The following TRPC5 variants were observed in gnomAD, a reference collection of about 807,000 sequenced individuals.
TRPC5 encodes short transient receptor potential channel 5.
TRPC5 carries 9 observed loss-of-function variants against 56.5 expected under a neutral mutation model. The observed-to-expected ratio is 0.16, with a 90% CI of 0.10 to 0.28. TRPC5 has a LOEUF of 0.28. Ranked by LOEUF, TRPC5 falls within the 10% of genes least tolerant of loss-of-function variation. TRPC5 has a pLI of 1.00. For missense variants in TRPC5, 469 were observed against 748.9 expected (o/e 0.63, Z 4.36); for synonymous variants, 282 against 278.5 (o/e 1.01, Z -0.13).
intron 1 of TRPC5, among the ~76,000 whole-genome samples, chrX:111,994,737 T>A (rs1169082822): frequency 4.5e-5 from 5 of 111,337 alleles, no homozygotes; most frequent in African/African-American, 1.3e-4. Context: ...TGCTTGTAAA[T>A]TTTGCACACT....
intron 7 of TRPC5, among the ~76,000 whole-genome samples, chrX:111,814,623 G>A (rs190096761): frequency 9.1e-6 from 1 of 110,163 alleles, no homozygotes; most frequent in Non-Finnish European, 1.9e-5. Context: ...AGCCCCCTTG[G>A]TGAGTGTTGC....
intron 2 of TRPC5, among the ~76,000 whole-genome samples, chrX:111,930,543 G>C (rs978653082): frequency 9.0e-6 from 1 of 111,130 alleles, no homozygotes; most frequent in South Asian, 3.9e-4. Flanking sequence ...TGGGGTTGCA[G>C]TGAGCCGAAA....
intron 1 of TRPC5, among the ~76,000 whole-genome samples, chrX:112,058,963 G>A (rs1204577285): frequency 1.8e-5 from 2 of 111,049 alleles, no homozygotes; most frequent in African/African-American, 3.3e-5. Context: ...CCTTAGAGTT[G>A]GAATTAGAAG....
intron 7 of TRPC5, among the ~76,000 whole-genome samples, chrX:111,784,309 A>T (rs765099682): frequency 8.9e-6 from 1 of 112,613 alleles, no homozygotes; most frequent in South Asian, 3.7e-4. Context: ...CTTAATCAAA[A>T]TTAAAAACAT....
chrX:111,916,615 C>T (rs1007940914), intron 2 of TRPC5, among the ~76,000 whole-genome samples: 2 of 111,896 alleles, frequency 1.8e-5, no homozygotes, highest in African/African-American at 3.2e-5. Context: ...GGTGTATACG[C>T]ATAATTTGGG....
chrX:111,978,214 T>G (rs996394670), intron 1 of TRPC5, among the ~76,000 whole-genome samples: 3 of 112,018 alleles, frequency 2.7e-5, no homozygotes, highest in African/African-American at 9.7e-5. Flanking sequence ...TGGAAATAAC[T>G]TTAATGTGTG....
chrX:111,812,428 G>A (rs184683618), intron 7 of TRPC5, among the ~76,000 whole-genome samples: 81 of 111,752 alleles, frequency 7.2e-4, no homozygotes, highest in African/African-American at 2.3e-3. Flanking sequence ...GTGACCTCAC[G>A]TTGGGAATTA....
intron 4 of TRPC5, among the ~76,000 whole-genome samples, chrX:111,853,403 T>C (rs113911414): frequency 0.023 from 2,520 of 111,857 alleles, 48 homozygotes; most frequent in Non-Finnish European, 0.033. Flanking sequence ...CAGATTCATG[T>C]GCCCCTTGGT....
intron 1 of TRPC5, among the ~76,000 whole-genome samples, chrX:111,994,273 G>A (rs941694741): frequency 9.0e-6 from 1 of 111,271 alleles, no homozygotes; most frequent in Admixed American, 9.6e-5. Context: ...TATCTGTTTT[G>A]GTACCATTAC....
At chrX:111,937,590 A>G (rs1254117512) in intron 2 of TRPC5, among the ~76,000 whole-genome samples, 1 of 107,900 alleles carries the variant, frequency 9.3e-6, no homozygotes, top group Admixed American at 9.9e-5. Context: ...AGCACCATTT[A>G]TTAAATAGGG....
intron 1 of TRPC5, among the ~76,000 whole-genome samples, chrX:111,985,748 T>C (rs148294384): frequency 5.2e-4 from 58 of 112,149 alleles, no homozygotes; most frequent in African/African-American, 1.7e-3. Flanking sequence ...ACTTCACTTT[T>C]AGGGACTCCG....
At chrX:111,914,822 T>A (rs1465596922) in intron 2 of TRPC5, among the ~76,000 whole-genome samples, 2 of 111,675 alleles carry the variant, frequency 1.8e-5, no homozygotes, top group Non-Finnish European at 3.8e-5. Flanking sequence ...ACTATCAGCA[T>A]AAAGCCTAGA....
chrX:111,903,022 T>TA (rs1925430620), intron 3 of TRPC5: 1 of 111,992 alleles, frequency 8.9e-6, no homozygotes, highest in Admixed American at 9.5e-5. Flanking sequence ...ATGGACTAGA[T>TA]ATAGTCCTTA....
rs1043099886 is a variant in TRPC5, at chrX:111,832,845, C to T, written c.1896+2076G>A. Reference sequence around the variant, plus strand: ...GATGGGAGCTGGAGTTGATTATTTTCGCCCTTCCTAGAAAATGTCACTGAG... The same window carrying T: ...GATGGGAGCTGGAGTTGATTATTTTTGCCCTTCCTAGAAAATGTCACTGAG... On this transcript the variant is annotated intron_variant, in intron 7 of 10. Transcript: ENST00000262839. Among the ~76,000 whole-genome samples, 6 of 110,985 alleles carry T rather than the reference C, an allele frequency of 5.4e-5. No individual in the cohort carries two copies. The Admixed American group carries it at 5.8e-4, about 11-fold the overall frequency.
chrX:111,864,771 G>A (rs1477658713), intron 3 of TRPC5, among the ~76,000 whole-genome samples: 4 of 111,868 alleles, frequency 3.6e-5, no homozygotes, highest in Non-Finnish European at 7.5e-5. Flanking sequence ...CTTAATTTCC[G>A]GAATTGTGAA....
At chrX:112,044,684 A>G (rs1325359005) in intron 1 of TRPC5, among the ~76,000 whole-genome samples, 1 of 111,758 alleles carries the variant, frequency 8.9e-6, no homozygotes, top group Non-Finnish European at 1.9e-5. Context: ...ATCTCCTTTC[A>G]TTTTCCTTGT....
At chrX:111,790,886 T>C (rs1187745543) in intron 7 of TRPC5, among the ~76,000 whole-genome samples, 1 of 108,496 alleles carries the variant, frequency 9.2e-6, no homozygotes. Context: ...CTGGGTATGG[T>C]GGCTCGCACC....
intron 7 of TRPC5, among the ~76,000 whole-genome samples, chrX:111,809,893 T>G (rs1177521342): frequency 9.3e-6 from 1 of 107,379 alleles, no homozygotes; most frequent in Non-Finnish European, 1.9e-5. Flanking sequence ...TTTTTTTTTT[T>G]GTTGTTGTTG....
rs1929735299 is a variant in TRPC5 at position 112,036,140 on chromosome X, T to A, written c.-22+45739A>T. ...CTGAACATGTGTCCTACTCTGGGGA[T>A]ATGCATAACTTTTTAATTCCCCAGT... On this transcript the variant is annotated intron_variant, in intron 1 of 10. Transcript: ENST00000262839. Among the ~76,000 whole-genome samples the A allele has an allele frequency of 3.6e-5, 4 of 111,115 alleles. No homozygotes were observed. The South Asian group carries it at 1.5e-3, about 43-fold the overall frequency.
Sources: gnomAD v4.1 joint callset for allele counts (sites outside exome capture counted in the v4.1 genomes callset) on GRCh38, gnomAD v4.1.1 for gene constraint, MANE v1.5 for transcripts, NCBI Gene and HGNC (gene_info 2026-07-23, HGNC 2026-07-21) for gene names.